CLIC4: variants seen among roughly 807,000 people sequenced by gnomAD.
CLIC4 encodes CLIC family member 4, also known as chloride intracellular channel protein 4.
A neutral mutation model predicts 24.6 loss-of-function variants in CLIC4; 13 were observed. That is an observed-to-expected ratio of 0.53 (90% CI 0.34 to 0.84). CLIC4 has a LOEUF of 0.84. Among genes scored for constraint, CLIC4 ranks in the 40% least tolerant of loss-of-function variants. CLIC4 has a pLI of 0.01. For missense variants in CLIC4, 227 were observed against 301.7 expected (o/e 0.75, Z 1.83); for synonymous variants, 104 against 111.3 (o/e 0.93, Z 0.41).
At chr1:24,806,469 C>T (rs1165798071) in intron 2 of CLIC4, among the ~76,000 whole-genome samples, 1 of 152,158 alleles carries the variant, frequency 6.6e-6, no homozygotes, top group South Asian at 2.1e-4. Flanking sequence ...TCTGTCATCT[C>T]AACAGTTAAT....
chr1:24,787,369 T>G (rs1238570700), intron 1 of CLIC4, among the ~76,000 whole-genome samples: 3 of 151,966 alleles, frequency 2.0e-5, no homozygotes, highest in Non-Finnish European at 4.4e-5. Context: ...TAATCCAAAT[T>G]AAAATCTTCT....
At position 24,745,644 on chromosome 1, in the gene CLIC4, G is replaced by A. The variant is rs766845735; in HGVS notation, c.72+19G>A. 16 of 1,532,776 alleles carry A rather than the reference G, an allele frequency of 1.0e-5. No individual in the cohort carries two copies. Among genetic ancestry groups the A allele is most frequent in the Non-Finnish European group, 1.4e-5 (16 of 1,141,208 alleles). 94.9% of individuals were successfully genotyped at this position (1,532,776 alleles called of 1,614,324 possible). On this transcript the variant is annotated intron_variant, in intron 1 of 5. Coordinates refer to ENST00000374379, the MANE Select transcript of CLIC4 (RefSeq NM_013943.3). ...CGTCAAGGTGAGCGCTCGCCTCGCGGTCCCGCCCGGCAGATCCCCCGGCTC... is the reference window on the plus strand; with the variant it reads ...CGTCAAGGTGAGCGCTCGCCTCGCGATCCCGCCCGGCAGATCCCCCGGCTC...
At position 24,750,804 on chromosome 1, in the gene CLIC4, A is replaced by G. The variant is rs773170435; in HGVS notation, c.72+5179A>G. Among the ~76,000 whole-genome samples the G allele has an allele frequency of 3.9e-5, 6 of 152,168 alleles. No homozygotes were observed. The East Asian group carries it at 5.8e-4, about 15-fold the overall frequency. On this transcript the variant is annotated intron_variant, in intron 1 of 5. Transcript: ENST00000374379. ...TATGGGATAAATTAATATATGTAGT[A>G]TGCAACAATCTTAGAACAATGTCTA...
At chr1:24,776,262 G>A (rs1163094066) in intron 1 of CLIC4, among the ~76,000 whole-genome samples, 4 of 152,150 alleles carry the variant, frequency 2.6e-5, no homozygotes, top group Non-Finnish European at 5.9e-5. Context: ...TTTAAAGTCA[G>A]CAGAACTGTG....
At chr1:24,791,144 CTG>C (rs1385412041) in intron 1 of CLIC4, among the ~76,000 whole-genome samples, 1 of 152,148 alleles carries the variant, frequency 6.6e-6, no homozygotes, top group Admixed American at 6.5e-5. Flanking sequence ...ATGAATATAA[CTG>C]TTAGAAGCAG....
chr1:24,784,754 C>A (rs554192772), intron 1 of CLIC4, among the ~76,000 whole-genome samples: 3 of 152,080 alleles, frequency 2.0e-5, no homozygotes, highest in Admixed American at 1.3e-4. Context: ...TTCTGTAATC[C>A]CAGCACTTTG....
At chr1:24,792,987 G>A (rs1049408636) in intron 1 of CLIC4, among the ~76,000 whole-genome samples, 12 of 152,108 alleles carry the variant, frequency 7.9e-5, no homozygotes, top group South Asian at 2.1e-4. Flanking sequence ...TTAGTTTAAC[G>A]TGTTTCTAAG....
intron 2 of CLIC4, among the ~76,000 whole-genome samples, chr1:24,800,846 C>G (rs371569426): frequency 1.3e-5 from 2 of 151,990 alleles, no homozygotes; most frequent in South Asian, 2.1e-4. Context: ...ATGTGCTTTG[C>G]TAAACAGATG....
intron 2 of CLIC4, among the ~76,000 whole-genome samples, chr1:24,799,569 C>T (rs11249174): frequency 0.31 from 46,407 of 147,880 alleles, 7,446 homozygotes; most frequent in Middle Eastern, 0.5. Context: ...GCGTCTCCGC[C>T]CGGCCAGCCG....
chr1:24,763,008 C>T (rs959227875), intron 1 of CLIC4, among the ~76,000 whole-genome samples: 4 of 152,120 alleles, frequency 2.6e-5, no homozygotes, highest in African/African-American at 9.7e-5. Flanking sequence ...CCACCTATTC[C>T]ACTAGGTCCC....
intron 1 of CLIC4, among the ~76,000 whole-genome samples, chr1:24,746,866 C>G (rs956154198): frequency 6.6e-6 from 1 of 152,116 alleles, no homozygotes; most frequent in Admixed American, 6.6e-5. Flanking sequence ...AGCGATGTTA[C>G]GCGCCTGTAC....
intron 1 of CLIC4, among the ~76,000 whole-genome samples, chr1:24,787,681 G>A (rs970753829): frequency 6.8e-6 from 1 of 147,562 alleles, no homozygotes; most frequent in African/African-American, 2.5e-5. Flanking sequence ...GACTACAGGC[G>A]TCTGCCACCA....
intron 4 of CLIC4, among the ~76,000 whole-genome samples, chr1:24,829,911 A>G (rs28373107): frequency 0.016 from 2,445 of 152,188 alleles, 27 homozygotes; most frequent in Middle Eastern, 0.031. Flanking sequence ...ACCTCTTTCT[A>G]TTTTCCACTG....
intron 1 of CLIC4, among the ~76,000 whole-genome samples, chr1:24,772,606 C>G (rs1639083404): frequency 6.6e-6 from 1 of 152,142 alleles, no homozygotes; most frequent in African/African-American, 2.4e-5. Context: ...CTGCCTCAGC[C>G]TCCTGAGTAG....
In CLIC4 at chr1:24,842,007, AAAAG is replaced by A. The variant is rs1377036159; in HGVS notation, c.*1076_*1079del. On this transcript the variant is annotated 3_prime_UTR_variant, in exon 6 of 6. Coordinates refer to ENST00000374379, the MANE Select transcript of CLIC4 (RefSeq NM_013943.3). ...AAAGAATGCGTTATCCATCCTATAT[AAAAG>A]AAAGATAAAACACAGGTCACCAATT... 6.6e-6 allele frequency: 1 copy of A among 152,616 alleles called. No individual in the cohort carries two copies. The highest frequency in any genetic ancestry group is 2.4e-5 in the African/African-American group (1 of 41,450). 9.5% of individuals were successfully genotyped at this position (152,616 alleles called of 1,614,324 possible). A position where few individuals can be genotyped will look rare whatever the true frequency, so the allele number is the denominator to read the frequency against.
At chr1:24,813,041 TC>T (rs1557810246) in intron 2 of CLIC4, among the ~76,000 whole-genome samples, 30 of 129,258 alleles carry the variant, frequency 2.3e-4, no homozygotes, top group Non-Finnish European at 3.6e-4. Context: ...TTTCTTTCTT[TC>T]TTTCTTTTTT....
At chr1:24,768,961 TATA>T (rs1382869682) in intron 1 of CLIC4, among the ~76,000 whole-genome samples, 1 of 149,296 alleles carries the variant, frequency 6.7e-6, no homozygotes, top group Non-Finnish European at 1.5e-5. Context: ...AATTGGTAGA[TATA>T]ATCTCTATCA....
At chr1:24,766,500 T>G (rs1223879276) in intron 1 of CLIC4, among the ~76,000 whole-genome samples, 2 of 86,874 alleles carry the variant, frequency 2.3e-5, no homozygotes, top group African/African-American at 9.8e-5. Context: ...TTTTTTTTTT[T>G]TTTTTTTTTT....
intron 2 of CLIC4, among the ~76,000 whole-genome samples, chr1:24,811,437 A>G (rs1639613765): frequency 6.6e-6 from 1 of 152,172 alleles, no homozygotes; most frequent in Non-Finnish European, 1.5e-5. Context: ...TTACAATTTG[A>G]GAAACAGCTG....
Sources: allele counts gnomAD v4.1 joint callset (sites outside exome capture counted in the v4.1 genomes callset), GRCh38; gene constraint gnomAD v4.1.1; transcripts MANE v1.5; gene names NCBI Gene and HGNC (gene_info 2026-07-23, HGNC 2026-07-21).